The following LYPD6 variants were observed in gnomAD, a reference collection of about 807,000 sequenced individuals.
LYPD6 encodes ly6/PLAUR domain-containing protein 6.
Under a neutral mutation model 22.7 loss-of-function variants are expected in LYPD6, and 15 were observed. The observed-to-expected ratio is 0.66, with a 90% CI of 0.44 to 1.02. The LOEUF (loss-of-function observed/expected upper bound fraction) is 1.02. Among genes scored for constraint, LYPD6 ranks in the 50% least tolerant of loss-of-function variants. The pLI, the probability that LYPD6 is intolerant of heterozygous loss-of-function variation, is 0.00. For missense variants in LYPD6, 189 were observed against 208.4 expected, an observed-to-expected ratio of 0.91 and a Z score of 0.57; for synonymous variants, 72 against 77.5, an observed-to-expected ratio of 0.93 and a Z score of 0.37.
At position 149,394,925 on chromosome 2, in the gene LYPD6, T is replaced by G. The variant is rs143997546; in HGVS notation, c.-71-42713T>G. 6.3e-3 allele frequency among the ~76,000 whole-genome samples: 961 copies of G among 152,308 alleles called. 5 individuals are homozygous for G. Among genetic ancestry groups the G allele is most frequent in the Admixed American group, 0.011 (170 of 15,292 alleles). On this transcript the variant is annotated intron_variant, in intron 1 of 4. Coordinates refer to ENST00000334166, the MANE Select transcript of LYPD6 (RefSeq NM_194317.5). ...TATTTGTCATGTGCCCAGGATCCAT[T>G]ATTCACAATTCAAAATGGTGGACAA...
At chr2:149,474,403 C>A (rs1316056657), downstream of LYPD6, among the ~76,000 whole-genome samples, 2 of 152,060 alleles carry the variant, frequency 1.3e-5, no homozygotes. Flanking sequence ...AGACAGGATC[C>A]AACTATGTTG....
chr2:149,475,936 G>A (rs1178113392), downstream of LYPD6, among the ~76,000 whole-genome samples: 1 of 152,180 alleles, frequency 6.6e-6, no homozygotes, highest in African/African-American at 2.4e-5. Context: ...TGTCACAAGG[G>A]TGACATGCAT....
At chr2:149,468,132 A>AACACACACACAC (rs58309346) in intron 3 of LYPD6, among the ~76,000 whole-genome samples, 1,841 of 114,664 alleles carry the variant, frequency 0.016, 78 homozygotes, top group Admixed American at 0.018. Context: ...GCTTCCCCCC[A>AACACACACACAC]ACACACACAC....
chr2:149,438,525 G>A (rs1291357452), intron 2 of LYPD6, among the ~76,000 whole-genome samples: 2 of 152,212 alleles, frequency 1.3e-5, no homozygotes, highest in East Asian at 3.8e-4. Context: ...TGCCCCTGTT[G>A]AGGTGAGAGC....
intron 1 of LYPD6, among the ~76,000 whole-genome samples, chr2:149,428,118 C>T (rs1224901210): frequency 4.6e-5 from 7 of 152,228 alleles, no homozygotes; most frequent in Admixed American, 1.3e-4. Context: ...GAGAGATCAT[C>T]TCTGGCTAGT....
chr2:149,436,803 G>C (rs980445083), intron 1 of LYPD6, among the ~76,000 whole-genome samples: 3 of 152,136 alleles, frequency 2.0e-5, no homozygotes, highest in African/African-American at 7.2e-5. Context: ...GGCTGGTCTC[G>C]ATCTCCCAAC....
chr2:149,405,648 T>G (rs187705608), intron 1 of LYPD6, among the ~76,000 whole-genome samples: 532 of 152,310 alleles, frequency 3.5e-3, no homozygotes, highest in Non-Finnish European at 5.0e-3. Flanking sequence ...GTCTTGCTAG[T>G]GGTCTATCAA....
At chr2:149,436,438 C>T (rs1268083644) in intron 1 of LYPD6, among the ~76,000 whole-genome samples, 1 of 152,188 alleles carries the variant, frequency 6.6e-6, no homozygotes, top group Non-Finnish European at 1.5e-5. Flanking sequence ...TAAGACAGAT[C>T]TCTGCATTCC....
At chr2:149,423,042 C>A (rs1435850923) in intron 1 of LYPD6, among the ~76,000 whole-genome samples, 1 of 152,120 alleles carries the variant, frequency 6.6e-6, no homozygotes, top group African/African-American at 2.4e-5. Flanking sequence ...TTTATCTGAT[C>A]TTTATAAAAT....
chr2:149,404,718 C>T (rs1682654762), intron 1 of LYPD6, among the ~76,000 whole-genome samples: 1 of 152,062 alleles, frequency 6.6e-6, no homozygotes, highest in Admixed American at 6.6e-5. Flanking sequence ...ATTTGAATAC[C>T]CTTTATTTCC....
intron 3 of LYPD6, among the ~76,000 whole-genome samples, chr2:149,454,182 C>T (rs141071832): frequency 2.3e-4 from 35 of 152,284 alleles, no homozygotes; most frequent in African/African-American, 7.7e-4. Context: ...GTTGAATATA[C>T]ATACCGCAAA....
rs185055848 is a variant in LYPD6, at chr2:149,474,099, A to G, written c.*3249A>G. The G allele has an allele frequency of 6.6e-6, 1 of 152,280 alleles. No homozygotes were observed. Among genetic ancestry groups the G allele is most frequent in the East Asian group, 1.9e-4 (1 of 5,180 alleles). The allele number at this position is 152,280 out of a possible 1,614,324, so 9.4% of individuals were successfully genotyped here. A position where few individuals can be genotyped will look rare whatever the true frequency, so the allele number is the denominator to read the frequency against. ...TCATTTTTATCTATACAATGAATTT[A>G]TTATATTTTTCTTAGTAAAGTGATA... On this transcript the variant is annotated 3_prime_UTR_variant, in exon 5 of 5. Coordinates refer to ENST00000334166, the MANE Select transcript of LYPD6 (RefSeq NM_194317.5).
intron 1 of LYPD6, among the ~76,000 whole-genome samples, chr2:149,375,472 C>T (rs556645539): frequency 1.8e-4 from 27 of 152,180 alleles, no homozygotes; most frequent in African/African-American, 4.1e-4. Context: ...ATTGGCATGA[C>T]GAAAATAAAG....
intron 4 of LYPD6, 101 bp downstream of exon 4, chr2:149,468,876 C>CTGTCTTTTGAT: frequency 7.8e-7 from 1 of 1,278,362 alleles, no homozygotes; most frequent in Non-Finnish European, 1.1e-6. Flanking sequence ...CCCGTGAAGG[C>CTGTCTTTTGAT]TGTCTTTTGA....
At chr2:149,485,148 G>A in the LYPD6 span, among the ~76,000 whole-genome samples, 1 of 152,166 alleles carries the variant, frequency 6.6e-6, no homozygotes, top group African/African-American at 2.4e-5. Flanking sequence ...ATAGTTAAGG[G>A]CCAGAGAGGA....
intron 1 of LYPD6, among the ~76,000 whole-genome samples, chr2:149,365,359 T>C (rs1681640363): frequency 6.6e-6 from 1 of 152,244 alleles, no homozygotes; most frequent in Non-Finnish European, 1.5e-5. Flanking sequence ...AGCTTTTCTC[T>C]AAGGTTGTGC....
intron 1 of LYPD6, among the ~76,000 whole-genome samples, chr2:149,379,908 AAAC>A (rs1682021266): frequency 6.6e-6 from 1 of 152,238 alleles, no homozygotes; most frequent in Non-Finnish European, 1.5e-5. Context: ...ATAAATCAGT[AAAC>A]AACAGTAGAT....
chr2:149,379,150 A>G (rs1158828564), intron 1 of LYPD6, among the ~76,000 whole-genome samples: 3 of 152,128 alleles, frequency 2.0e-5, no homozygotes, highest in Non-Finnish European at 4.4e-5. Flanking sequence ...CATCTGTGGT[A>G]TGGGAGCCCC....
chr2:149,445,457 A>G (rs1173649604), intron 2 of LYPD6, among the ~76,000 whole-genome samples: 1 of 152,200 alleles, frequency 6.6e-6, no homozygotes, highest in Non-Finnish European at 1.5e-5. Context: ...TCTTCTTCCA[A>G]TATAAAGCTG....
Sources: allele counts gnomAD v4.1 joint callset (sites outside exome capture counted in the v4.1 genomes callset), GRCh38; gene constraint gnomAD v4.1.1; transcripts MANE v1.5; gene names NCBI Gene and HGNC (gene_info 2026-07-23, HGNC 2026-07-21).